The following MYRIP variants were observed in gnomAD, a reference collection of about 807,000 sequenced individuals.
MYRIP encodes the protein rab effector MyRIP.
A neutral mutation model predicts 98.0 loss-of-function variants in MYRIP; 49 were observed. That is an observed-to-expected ratio of 0.50 (90% CI 0.40 to 0.63). The LOEUF (loss-of-function observed/expected upper bound fraction) is 0.63. Among genes scored for constraint, MYRIP ranks in the 30% least tolerant of loss-of-function variants. The pLI, the probability that MYRIP is intolerant of heterozygous loss-of-function variation, is 0.00. For synonymous variants in MYRIP, 404 were observed against 409.5 expected (o/e 0.99, Z 0.16); for missense variants, 1,004 against 1,058.2 (o/e 0.95, Z 0.71).
At chr3:39,834,108 C>G (rs1002892819) in intron 1 of MYRIP, among the ~76,000 whole-genome samples, 7 of 152,166 alleles carry the variant, frequency 4.6e-5, no homozygotes, top group Non-Finnish European at 8.8e-5. Context: ...CATGACTGCT[C>G]AGTACAAAAC....
In MYRIP at chr3:40,030,896, G is replaced by A. The variant is rs374775924; in HGVS notation, c.111-13154G>A. Among the ~76,000 whole-genome samples the A allele has an allele frequency of 1.4e-3, 206 of 152,218 alleles. 2 individuals are homozygous for A. In the South Asian group the frequency reaches 0.041, roughly 30 times the overall value. On this transcript the variant is annotated intron_variant, in intron 2 of 16. Coordinates refer to ENST00000302541, the MANE Select transcript of MYRIP (RefSeq NM_015460.4). ...AATGTTACGGAGTAAGACAGTAGTG[G>A]TGGTTGCACAACTTTTTGAATATAC... is the stretch of plus-strand genomic sequence containing the variant.
chr3:40,077,976 G>A (rs546041002), intron 3 of MYRIP, among the ~76,000 whole-genome samples: 2 of 152,370 alleles, frequency 1.3e-5, no homozygotes, highest in Non-Finnish European at 2.9e-5. Context: ...CGTGGAGCAG[G>A]GGGTGGCGCT....
At chr3:40,062,997 A>T (rs1948050533) in intron 3 of MYRIP, among the ~76,000 whole-genome samples, 1 of 152,234 alleles carries the variant, frequency 6.6e-6, no homozygotes, top group Non-Finnish European at 1.5e-5. Context: ...AGATTAAAGA[A>T]TTTGAAGGAA....
intron 3 of MYRIP, among the ~76,000 whole-genome samples, chr3:40,150,595 A>G (rs767731511): frequency 6.6e-6 from 1 of 152,256 alleles, no homozygotes; most frequent in Non-Finnish European, 1.5e-5. Flanking sequence ...CTGAAACTTC[A>G]TGGTTTAAAA....
At chr3:39,816,862 A>G (rs1940934331) in intron 1 of MYRIP, among the ~76,000 whole-genome samples, 1 of 152,190 alleles carries the variant, frequency 6.6e-6, no homozygotes, top group African/African-American at 2.4e-5. Context: ...GTATACATAA[A>G]TCCAAACCTT....
intron 3 of MYRIP, among the ~76,000 whole-genome samples, chr3:40,124,351 T>A (rs1949475139): frequency 6.6e-6 from 1 of 152,224 alleles, no homozygotes; most frequent in African/African-American, 2.4e-5. Flanking sequence ...TTTGAATGCT[T>A]TCTGTGATGT....
chr3:39,925,171 C>A (rs969292734), intron 2 of MYRIP, among the ~76,000 whole-genome samples: 6 of 151,282 alleles, frequency 4.0e-5, no homozygotes, highest in African/African-American at 1.2e-4. Flanking sequence ...AGTCTGGTTC[C>A]TCAAAATGAT....
At chr3:40,121,871 CTG>C (rs1307102511) in intron 3 of MYRIP, among the ~76,000 whole-genome samples, 1 of 152,058 alleles carries the variant, frequency 6.6e-6, no homozygotes, top group Non-Finnish European at 1.5e-5. Context: ...ATATTAGAGA[CTG>C]AGACAAAAGG....
At chr3:39,907,040 T>C (rs1310614912) in intron 2 of MYRIP, among the ~76,000 whole-genome samples, 9 of 152,078 alleles carry the variant, frequency 5.9e-5, no homozygotes, top group Admixed American at 1.3e-4. Context: ...CTGGCATCAA[T>C]TGGAGTGCAT....
intron 3 of MYRIP, among the ~76,000 whole-genome samples, chr3:40,078,415 G>T (rs1352040755): frequency 6.6e-6 from 1 of 152,224 alleles, no homozygotes; most frequent in Admixed American, 6.5e-5. Flanking sequence ...CAAAGTGGGA[G>T]CCCAGGCAGA....
chr3:40,056,677 G>A (rs1443667057), intron 3 of MYRIP, among the ~76,000 whole-genome samples: 1 of 152,120 alleles, frequency 6.6e-6, no homozygotes, highest in African/African-American at 2.4e-5. Flanking sequence ...TATTTATAGA[G>A]AAACTTAAGC....
At chr3:40,135,322 A>C (rs1261728206) in intron 3 of MYRIP, among the ~76,000 whole-genome samples, 1 of 152,190 alleles carries the variant, frequency 6.6e-6, no homozygotes, top group Non-Finnish European at 1.5e-5. Context: ...GCATGAAGAG[A>C]AGTTTAGAGA....
chr3:40,232,151 T>C (rs1158721228), intron 11 of MYRIP, among the ~76,000 whole-genome samples: 2 of 152,198 alleles, frequency 1.3e-5, no homozygotes, highest in Non-Finnish European at 2.9e-5. Context: ...CCCCAGATTC[T>C]ACCTTTTTGG....
At chr3:40,169,246 A>T (rs1950560533) in intron 7 of MYRIP, among the ~76,000 whole-genome samples, 1 of 151,998 alleles carries the variant, frequency 6.6e-6, no homozygotes, top group African/African-American at 2.4e-5. Flanking sequence ...GGGAGATGGC[A>T]CCTCAGTTGA....
chr3:40,162,854 A>G (rs1487031848), intron 5 of MYRIP, 44 bp downstream of exon 5: 1 of 1,557,500 alleles, frequency 6.4e-7, no homozygotes, highest in Non-Finnish European at 8.9e-7. Context: ...AGTTGGAGTA[A>G]TAGAAACACC....
chr3:40,253,749 C>T (rs1054665354), intron 16 of MYRIP, among the ~76,000 whole-genome samples: 5 of 152,226 alleles, frequency 3.3e-5, no homozygotes, highest in Non-Finnish European at 5.9e-5. Flanking sequence ...ACAGTGTAGC[C>T]GCTATTAAGG....
chr3:39,918,318 A>C (rs929452395), intron 2 of MYRIP, among the ~76,000 whole-genome samples: 1 of 152,220 alleles, frequency 6.6e-6, no homozygotes, highest in Non-Finnish European at 1.5e-5. Flanking sequence ...TGATTATTTA[A>C]AGTTAGCAAT....
chr3:39,865,495 C>A (rs1306193509), intron 1 of MYRIP, among the ~76,000 whole-genome samples: 1 of 152,042 alleles, frequency 6.6e-6, no homozygotes, highest in East Asian at 1.9e-4. Flanking sequence ...AATAAACAAT[C>A]CCATAAAAGG....
Position 40,060,690 on chromosome 3 carries a change from C to A in MYRIP, c.332+16419C>A, listed in dbSNP as rs368162306. 4.8e-4 allele frequency among the ~76,000 whole-genome samples: 73 copies of A among 151,318 alleles called. 1 individual carries two copies. The highest frequency in any genetic ancestry group is 1.7e-3 in the African/African-American group (72 of 41,332). ...CACTGCAACCTCCACCTCCTGGGTT[C>A]AAGCAATAATCTTGCCTCAGCCTCC... On this transcript the variant is annotated intron_variant, in intron 3 of 16. Coordinates refer to ENST00000302541, the MANE Select transcript of MYRIP (RefSeq NM_015460.4).
Sources: allele counts gnomAD v4.1 joint callset (sites outside exome capture counted in the v4.1 genomes callset), GRCh38; gene constraint gnomAD v4.1.1; transcripts MANE v1.5; gene names NCBI Gene and HGNC (gene_info 2026-07-23, HGNC 2026-07-21).